The following NUP93 variants were observed in gnomAD, a reference collection of about 807,000 sequenced individuals.
The protein encoded by NUP93 is nuclear pore complex protein Nup93.
NUP93 carries 55 observed loss-of-function variants against 107.8 expected under a neutral mutation model. The observed-to-expected ratio is 0.51, with a 90% CI of 0.41 to 0.64. The LOEUF (loss-of-function observed/expected upper bound fraction) is 0.64. NUP93 is among the 30% of genes least tolerant of loss of function. The probability of loss-of-function intolerance (pLI) is 0.00; values close to 1 mark genes in which losing one functional copy is unlikely to be tolerated. For synonymous variants in NUP93, 390 were observed against 397.5 expected (o/e 0.98, Z 0.22); for missense variants, 937 against 1,044.7 (o/e 0.90, Z 1.42).
intron 3 of NUP93, among the ~76,000 whole-genome samples, 169 bp downstream of exon 3, chr16:56,758,824 T>C (rs1439492081): frequency 3.3e-5 from 5 of 152,182 alleles, no homozygotes; most frequent in Admixed American, 3.3e-4. Context: ...GTGGAAAACA[T>C]TGGGTTATTT....
At chr16:56,758,770 T>A in intron 3 of NUP93, 115 bp downstream of exon 3, 1 of 714,870 alleles carries the variant, frequency 1.4e-6, no homozygotes, top group Non-Finnish European at 2.5e-6. Context: ...ACTTTCTTCT[T>A]CCTCAGATAT....
intron 3 of NUP93, among the ~76,000 whole-genome samples, chr16:56,765,771 CA>C (rs34687348): frequency 1.3e-5 from 2 of 150,982 alleles, no homozygotes; most frequent in African/African-American, 4.9e-5. Flanking sequence ...TAAACCTGTA[CA>C]AAAAAAAATA....
At position 56,832,307 on chromosome 16, in the gene NUP93, T is replaced by A; in HGVS notation, c.1264T>A (p.Cys422Ser). 2 of 1,614,060 alleles carry A rather than the reference T, an allele frequency of 1.2e-6. No individual in the cohort carries two copies. Among genetic ancestry groups the A allele is most frequent in the Admixed American group, 1.7e-5 (1 of 60,022 alleles). Residue 422 changes from cysteine to serine, a missense_variant, in exon 12 of 22, where the codon TGT becomes AGT. By Grantham distance (112) the Cys-to-Ser change is moderately radical. Coordinates refer to ENST00000308159, the MANE Select transcript of NUP93 (RefSeq NM_014669.5). ...CTTGGGGATTTAGTTGAACCAAGTG[T>A]GTTTTGACGACGATGGCACCAGCTC... ...DYLWLKLNQV[C>S]FDDDGTSSPQ...
intron 2 of NUP93, 142 bp downstream of exon 2, chr16:56,748,568 C>A: frequency 4.3e-6 from 3 of 693,138 alleles, no homozygotes; most frequent in Non-Finnish European, 6.8e-6. Flanking sequence ...GTGTTGTAAA[C>A]AGGACAGCAG....
rs1964139438 is a variant in NUP93, at chr16:56,848,412, C to T, written c.*3803C>T. ...TTATATCAGAATTGAGCTTTTGTTC[C>T]TGCATCTCAGAAATACCAGGAAGAA... On this transcript the variant is annotated 3_prime_UTR_variant, in exon 22 of 22. Coordinates refer to ENST00000308159, the MANE Select transcript of NUP93 (RefSeq NM_014669.5). 1 of 152,174 alleles carries T rather than the reference C, an allele frequency of 6.6e-6. No homozygotes were observed. The allele number at this position is 152,174 out of a possible 1,614,324, so 9.4% of individuals were successfully genotyped here. A position where few individuals can be genotyped will look rare whatever the true frequency, so the allele number is the denominator to read the frequency against.
Position 56,823,740 on chromosome 16 carries a change from A to G in NUP93, c.688A>G (p.Met230Val), listed in dbSNP as rs1411737712. The G allele has an allele frequency of 1.2e-6, 2 of 1,614,192 alleles. No individual in the cohort carries two copies. Among genetic ancestry groups the G allele is most frequent in the African/African-American group, 1.3e-5 (1 of 75,056 alleles). ...CGACATGTGGACCATGGTAAAACAA[A>G]TGACAGACGTGTTGTTGACACCGGC... ...ISDMWTMVKQ[M>V]TDVLLTPATD... is the part of the protein sequence containing the mutation. Residue 230 changes from methionine (M) to valine (V), a missense_variant, in exon 8 of 22, where the codon ATG becomes GTG. Met to Val is a conservative substitution (Grantham distance 21). Transcript: ENST00000308159.
chr16:56,820,532 G>A (rs938448229), intron 6 of NUP93, among the ~76,000 whole-genome samples: 1 of 152,184 alleles, frequency 6.6e-6, no homozygotes, highest in Non-Finnish European at 1.5e-5. Context: ...GGCTAGGCTG[G>A]TCTTGAACTT....
At chr16:56,778,116 A>T (rs1596791879) in intron 3 of NUP93, among the ~76,000 whole-genome samples, 1 of 152,328 alleles carries the variant, frequency 6.6e-6, no homozygotes, top group Middle Eastern at 3.4e-3. Flanking sequence ...AGACTGAATG[A>T]GAGCGACACA....
intron 2 of NUP93, among the ~76,000 whole-genome samples, chr16:56,749,489 T>C (rs1326444153): frequency 6.6e-6 from 1 of 152,206 alleles, no homozygotes; most frequent in Non-Finnish European, 1.5e-5. Flanking sequence ...CTGCTACTTG[T>C]GCCTTTGATG....
At chr16:56,785,542 A>G (rs756752485) in intron 3 of NUP93, among the ~76,000 whole-genome samples, 2 of 152,184 alleles carry the variant, frequency 1.3e-5, no homozygotes, top group Non-Finnish European at 2.9e-5. Context: ...ATGTATTTGT[A>G]TCAAACCTTT....
chr16:56,780,062 CT>C (rs750662310), intron 3 of NUP93, among the ~76,000 whole-genome samples: 1 of 152,160 alleles, frequency 6.6e-6, no homozygotes, highest in Non-Finnish European at 1.5e-5. Context: ...CCAGGATTGT[CT>C]TTTGTTCAGT....
At chr16:56,762,323 A>T (rs919237695) in intron 3 of NUP93, among the ~76,000 whole-genome samples, 1 of 152,362 alleles carries the variant, frequency 6.6e-6, no homozygotes, top group East Asian at 1.9e-4. Flanking sequence ...TGTATATTTC[A>T]AGAAGTCTGT....
chr16:56,792,992 C>T (rs1458801963), intron 3 of NUP93, among the ~76,000 whole-genome samples: 8 of 152,116 alleles, frequency 5.3e-5, no homozygotes, highest in Admixed American at 5.2e-4. Flanking sequence ...AGCTTCTTAC[C>T]TGTAAAATGG....
At chr16:56,739,560 TG>T in intron 1 of NUP93, among the ~76,000 whole-genome samples, 1 of 94,258 alleles carries the variant, frequency 1.1e-5, no homozygotes, top group Admixed American at 9.8e-5. Context: ...ACGGGGCGGC[TG>T]GCCGGGCGGG....
At chr16:56,788,551 G>A (rs1226123570) in intron 3 of NUP93, among the ~76,000 whole-genome samples, 1 of 152,112 alleles carries the variant, frequency 6.6e-6, no homozygotes, top group Non-Finnish European at 1.5e-5. Flanking sequence ...CACTCCATAC[G>A]GAGTCTCAGA....
intron 1 of NUP93, among the ~76,000 whole-genome samples, chr16:56,732,337 T>A (rs959893184): frequency 3.3e-5 from 5 of 152,246 alleles, no homozygotes; most frequent in Non-Finnish European, 7.3e-5. Flanking sequence ...AGATGAATGT[T>A]ACTGGCACTC....
intron 3 of NUP93, among the ~76,000 whole-genome samples, chr16:56,787,442 C>CTTAA: frequency 1.3e-5 from 2 of 152,124 alleles, no homozygotes; most frequent in South Asian, 4.1e-4. Context: ...AAGTAGAACT[C>CTTAA]GAGGCTTAAT....
intron 20 of NUP93, 74 bp from the exon 21 acceptor site, chr16:56,841,631 C>A: frequency 6.4e-7 from 1 of 1,572,600 alleles, no homozygotes; most frequent in Non-Finnish European, 8.6e-7. Flanking sequence ...CTGGAGCAGC[C>A]CACCCTCCCT....
intron 11 of NUP93, 40 bp from the exon 12 acceptor site, chr16:56,832,247 CTCAGGGTG>C: frequency 6.7e-7 from 1 of 1,488,988 alleles, no homozygotes. Context: ...GTGCATGTGG[CTCAGGGTG>C]TCATTTGTAC....
Sources: allele counts gnomAD v4.1 joint callset (sites outside exome capture counted in the v4.1 genomes callset), GRCh38; gene constraint gnomAD v4.1.1; transcripts MANE v1.5; gene names NCBI Gene and HGNC (gene_info 2026-07-23, HGNC 2026-07-21).